GSE1: variants seen among roughly 807,000 people sequenced by gnomAD.
GSE1 encodes the protein Gse1 coiled-coil protein.
GSE1 carries 32 observed loss-of-function variants against 112.6 expected under a neutral mutation model. That is an observed-to-expected ratio of 0.28 (90% confidence interval 0.21 to 0.38). The LOEUF (loss-of-function observed/expected upper bound fraction) is 0.38, where lower values mean the gene tolerates loss of function less well. Among genes scored for constraint, GSE1 ranks in the 10% least tolerant of loss-of-function variants. The probability of loss-of-function intolerance (pLI) is 1.00; values close to 1 mark genes in which losing one functional copy is unlikely to be tolerated. For synonymous variants in GSE1, 1,115 were observed against 735.6 expected, an observed-to-expected ratio of 1.52 and a Z score of -8.35; for missense variants, 2,348 against 1,699.2, an observed-to-expected ratio of 1.38 and a Z score of -6.71.
intron 1 of GSE1, among the ~76,000 whole-genome samples, chr16:85,614,653 C>T (rs972347610): frequency 1.3e-5 from 2 of 152,324 alleles, no homozygotes; most frequent in East Asian, 1.9e-4. Flanking sequence ...GGGGGAGCAC[C>T]TGCCGGGTTC....
intron 2 of GSE1, among the ~76,000 whole-genome samples, chr16:85,430,482 G>A (rs561510466): frequency 1.3e-5 from 2 of 152,324 alleles, no homozygotes; most frequent in South Asian, 4.1e-4. Context: ...GTGCTGGGAG[G>A]GTGGCCAAGG....
intron 2 of GSE1, among the ~76,000 whole-genome samples, chr16:85,481,617 C>T (rs1002736743): frequency 6.6e-6 from 1 of 152,188 alleles, no homozygotes; most frequent in African/African-American, 2.4e-5. Flanking sequence ...TGTCCGTTTT[C>T]TGGAAGTGCT....
At chr16:85,187,113 C>T (rs2074720052) in intron 1 of GSE1, among the ~76,000 whole-genome samples, 1 of 152,212 alleles carries the variant, frequency 6.6e-6, no homozygotes, top group Non-Finnish European at 1.5e-5. Flanking sequence ...TTTCTGTCGC[C>T]TCCAGGTCTG....
chr16:85,381,951 C>T (rs2047555844), intron 2 of GSE1, among the ~76,000 whole-genome samples: 1 of 152,234 alleles, frequency 6.6e-6, no homozygotes, highest in African/African-American at 2.4e-5. Context: ...CACAGAGTGC[C>T]TGAGGAAGTC....
At chr16:85,665,342 G>A (rs1414037466) in intron 12 of GSE1, among the ~76,000 whole-genome samples, 1 of 152,248 alleles carries the variant, frequency 6.6e-6, no homozygotes, top group Admixed American at 6.5e-5. Context: ...TGAGGGGAGG[G>A]TCTGGCTTCT....
intron 2 of GSE1, among the ~76,000 whole-genome samples, chr16:85,432,467 C>T (rs1000108883): frequency 3.3e-4 from 50 of 152,230 alleles, no homozygotes; most frequent in African/African-American, 9.6e-4. Context: ...TCCCAGGTGC[C>T]GAGCAGCTGA....
Position 85,302,091 on chromosome 16 carries a change from C to G in GSE1, c.2284-55372C>G, listed in dbSNP as rs913984239. Among the ~76,000 whole-genome samples, 4 of 152,294 alleles carry G rather than the reference C, an allele frequency of 2.6e-5. 1 individual carries two copies. The highest frequency in any genetic ancestry group is 4.8e-5 in the African/African-American group (2 of 41,562). ...CTCTGAACAGCTGCTAATGGCCACC[C>G]CAGATCTCAAAATCATCCACGTCCA... On this transcript the variant is annotated intron_variant, in intron 1 of 2. Coordinates refer to the GSE1 transcript ENST00000637419.
upstream of GSE1, among the ~76,000 whole-genome samples, chr16:85,553,540 G>T (rs1489104843): frequency 1.3e-5 from 2 of 151,932 alleles, no homozygotes; most frequent in Non-Finnish European, 2.9e-5. Context: ...GGGAGGGGGC[G>T]CCAGGCGGGG....
At chr16:85,605,505 G>C (rs1253067563) in intron 1 of GSE1, among the ~76,000 whole-genome samples, 1 of 152,096 alleles carries the variant, frequency 6.6e-6, no homozygotes, top group Non-Finnish European at 1.5e-5. Flanking sequence ...CAGGCACTGG[G>C]CATGGCTCTC....
chr16:85,299,478 C>G (rs537462789), intron 1 of GSE1, among the ~76,000 whole-genome samples: 8 of 152,250 alleles, frequency 5.3e-5, no homozygotes, highest in Non-Finnish European at 7.3e-5. Context: ...AGTGACCTGC[C>G]TGAGGTCGGA....
At chr16:85,614,700 GTTTGGCT>G in intron 1 of GSE1, among the ~76,000 whole-genome samples, 1 of 152,210 alleles carries the variant, frequency 6.6e-6, no homozygotes, top group East Asian at 1.9e-4. Flanking sequence ...AGTTGAGTCG[GTTTGGCT>G]CTTACAAACT....
chr16:85,582,985 T>A (rs189887434), intron 1 of GSE1, among the ~76,000 whole-genome samples: 2 of 152,280 alleles, frequency 1.3e-5, no homozygotes, highest in African/African-American at 4.8e-5. Context: ...CACACATGCG[T>A]GCTTGAGCAG....
chr16:85,610,821 A>T (rs1363366190), upstream of GSE1, among the ~76,000 whole-genome samples: 21 of 152,214 alleles, frequency 1.4e-4, no homozygotes, highest in Non-Finnish European at 2.9e-5. Flanking sequence ...TGAGCAACTC[A>T]GGGCCTCAAC....
chr16:85,611,856 G>C (rs1567646918), upstream of GSE1, among the ~76,000 whole-genome samples: 1 of 151,816 alleles, frequency 6.6e-6, no homozygotes, highest in South Asian at 2.1e-4. Context: ...CCGGGCTGGC[G>C]CGGGGAGGGG....
intron 1 of GSE1, among the ~76,000 whole-genome samples, chr16:85,319,122 C>A (rs1241805300): frequency 6.6e-6 from 1 of 152,226 alleles, no homozygotes; most frequent in African/African-American, 2.4e-5. Flanking sequence ...CGCTCACCCC[C>A]TCCCTTCTCC....
intron 1 of GSE1, among the ~76,000 whole-genome samples, chr16:85,624,935 C>T (rs554475574): frequency 2.0e-5 from 3 of 152,190 alleles, no homozygotes; most frequent in African/African-American, 4.8e-5. Flanking sequence ...CTTTGCTGTT[C>T]GCAGCTTTGC....
At chr16:85,530,647 G>A (rs1415028500) in intron 2 of GSE1, among the ~76,000 whole-genome samples, 1 of 152,200 alleles carries the variant, frequency 6.6e-6, no homozygotes, top group African/African-American at 2.4e-5. Context: ...GGACAGGTGC[G>A]TTCATTAAAA....
chr16:85,544,192 G>T (rs1199592132), intron 2 of GSE1, among the ~76,000 whole-genome samples: 1 of 152,144 alleles, frequency 6.6e-6, no homozygotes, highest in African/African-American at 2.4e-5. Flanking sequence ...GTGGGTCGAG[G>T]CCGGGGATGT....
chr16:85,195,192 A>G (rs1231205956), intron 1 of GSE1, among the ~76,000 whole-genome samples: 1 of 152,190 alleles, frequency 6.6e-6, no homozygotes, highest in Non-Finnish European at 1.5e-5. Context: ...GTAAGATTTA[A>G]AAAACCCACA....
Sources: allele counts gnomAD v4.1 joint callset (sites outside exome capture counted in the v4.1 genomes callset), GRCh38; gene constraint gnomAD v4.1.1; transcripts MANE v1.5; gene names NCBI Gene and HGNC (gene_info 2026-07-23, HGNC 2026-07-21).